Variants in MAGI2 observed in about 807,000 individuals in gnomAD.
MAGI2 encodes the protein membrane-associated guanylate kinase, WW and PDZ domain-containing protein 2.
A neutral mutation model predicts 133.3 loss-of-function variants in MAGI2; 35 were observed. The ratio of observed to expected loss-of-function variants is 0.26; its 90% confidence interval spans 0.20 to 0.35. MAGI2 has a LOEUF of 0.35. MAGI2 is among the 10% of genes least tolerant of loss of function. The pLI is 1.00. For missense variants in MAGI2, 1,636 were observed against 1,863.4 expected, an observed-to-expected ratio of 0.88 and a Z score of 2.25; for synonymous variants, 729 against 710.6, an observed-to-expected ratio of 1.03 and a Z score of -0.41.
At chr7:79,332,050 T>TA (rs921133705) in intron 1 of MAGI2, among the ~76,000 whole-genome samples, 1 of 152,152 alleles carries the variant, frequency 6.6e-6, no homozygotes, top group African/African-American at 2.4e-5. Context: ...GGGGCTGCAT[T>TA]AAACCTTTAA....
At chr7:78,667,409 C>T (rs1813732806) in intron 2 of MAGI2, among the ~76,000 whole-genome samples, 10 of 146,944 alleles carry the variant, frequency 6.8e-5, no homozygotes, top group Admixed American at 2.7e-4. Context: ...TATTATTATA[C>T]TTTAAGTTTT....
intron 6 of MAGI2, among the ~76,000 whole-genome samples, chr7:78,414,154 T>C (rs1798093378): frequency 6.6e-6 from 1 of 152,024 alleles, no homozygotes. Flanking sequence ...GAGTATTCAC[T>C]GAAGCATCAT....
At chr7:78,549,785 T>C (rs1799178858) in intron 3 of MAGI2, among the ~76,000 whole-genome samples, 1 of 152,208 alleles carries the variant, frequency 6.6e-6, no homozygotes. Flanking sequence ...AATAGGATGA[T>C]GCAAATTTGG....
At chr7:79,110,682 G>C (rs1818853301) in intron 1 of MAGI2, among the ~76,000 whole-genome samples, 1 of 152,166 alleles carries the variant, frequency 6.6e-6, no homozygotes, top group East Asian at 1.9e-4. Flanking sequence ...GGACTATTGA[G>C]ATGATTATAT....
intron 10 of MAGI2, among the ~76,000 whole-genome samples, chr7:78,226,729 G>A (rs752181291): frequency 6.6e-6 from 1 of 152,186 alleles, no homozygotes; most frequent in African/African-American, 2.4e-5. Flanking sequence ...TGCACTGTGC[G>A]TGTGTATGTA....
intron 1 of MAGI2, among the ~76,000 whole-genome samples, chr7:79,067,767 G>C (rs575966739): frequency 6.6e-6 from 1 of 152,266 alleles, no homozygotes; most frequent in East Asian, 1.9e-4. Context: ...TTAGTATTTT[G>C]AGATACATTC....
intron 9 of MAGI2, among the ~76,000 whole-genome samples, chr7:78,299,558 G>A (rs1349832407): frequency 6.6e-6 from 1 of 152,158 alleles, no homozygotes; most frequent in African/African-American, 2.4e-5. Flanking sequence ...GCCAGTGGGT[G>A]TGTTATATAT....
chr7:79,121,594 A>C (rs968259776), intron 1 of MAGI2, among the ~76,000 whole-genome samples: 1 of 152,060 alleles, frequency 6.6e-6, no homozygotes. Context: ...AAATGCATTC[A>C]CATCAACTCA....
chr7:79,330,949 G>A (rs999253978), intron 1 of MAGI2, among the ~76,000 whole-genome samples: 4 of 151,812 alleles, frequency 2.6e-5, no homozygotes, highest in African/African-American at 9.7e-5. Flanking sequence ...ATTCCTTCAC[G>A]ACAATTTACT....
chr7:79,224,257 G>A (rs1235747991), intron 1 of MAGI2, among the ~76,000 whole-genome samples: 1 of 151,956 alleles, frequency 6.6e-6, no homozygotes, highest in Admixed American at 6.6e-5. Context: ...TATGCCATAT[G>A]CCATCACTGC....
chr7:78,984,381 C>G (rs754903272), intron 2 of MAGI2, among the ~76,000 whole-genome samples: 1 of 151,984 alleles, frequency 6.6e-6, no homozygotes, highest in African/African-American at 2.4e-5. Flanking sequence ...AAAGTCAAAG[C>G]CTTTATCACC....
At chr7:78,375,017 A>AT (rs1794305852) in intron 6 of MAGI2, among the ~76,000 whole-genome samples, 2 of 150,590 alleles carry the variant, frequency 1.3e-5, no homozygotes, top group South Asian at 4.2e-4. Context: ...TTTTTTTTGT[A>AT]TTTTTAGTAG....
intron 2 of MAGI2, among the ~76,000 whole-genome samples, chr7:79,003,398 C>T (rs1299426598): frequency 6.6e-6 from 1 of 152,162 alleles, no homozygotes; most frequent in East Asian, 1.9e-4. Flanking sequence ...TTATAAGTCA[C>T]TACAATTTTG....
chr7:78,401,858 G>A (rs1441555686), intron 6 of MAGI2, among the ~76,000 whole-genome samples: 2 of 152,116 alleles, frequency 1.3e-5, no homozygotes, highest in Admixed American at 1.3e-4. Flanking sequence ...AGTGGAGTAT[G>A]AGTAAGCAGT....
chr7:78,999,085 G>T (rs1029075567), intron 2 of MAGI2, among the ~76,000 whole-genome samples: 1 of 152,004 alleles, frequency 6.6e-6, no homozygotes, highest in South Asian at 2.1e-4. Context: ...AAGTCCAAGG[G>T]TGTATATTTC....
At chr7:78,926,648 T>A (rs550785328) in intron 2 of MAGI2, among the ~76,000 whole-genome samples, 1 of 152,116 alleles carries the variant, frequency 6.6e-6, no homozygotes, top group African/African-American at 2.4e-5. Context: ...ACATAAAGCC[T>A]CTTTTATGGT....
intron 1 of MAGI2, among the ~76,000 whole-genome samples, chr7:79,422,291 T>C (rs1847020827): frequency 6.6e-6 from 1 of 152,062 alleles, no homozygotes; most frequent in Non-Finnish European, 1.5e-5. Flanking sequence ...TTTCCTGTAC[T>C]TAGCAGGGCA....
intron 2 of MAGI2, among the ~76,000 whole-genome samples, chr7:78,710,788 C>T (rs1388708595): frequency 6.6e-6 from 1 of 152,104 alleles, no homozygotes; most frequent in Admixed American, 6.6e-5. Flanking sequence ...CTACAGGCAA[C>T]CCCTCTGTAC....
intron 1 of MAGI2, among the ~76,000 whole-genome samples, chr7:79,255,908 G>T (rs1833648040): frequency 6.6e-6 from 1 of 152,162 alleles, no homozygotes; most frequent in Non-Finnish European, 1.5e-5. Context: ...GTTGAATGGG[G>T]TTGGTCACAT....
Sources: gnomAD v4.1 joint callset for allele counts (sites outside exome capture counted in the v4.1 genomes callset) on GRCh38, gnomAD v4.1.1 for gene constraint, MANE v1.5 for transcripts, NCBI Gene and HGNC (gene_info 2026-07-23, HGNC 2026-07-21) for gene names.